TRAPPC9: variants seen among roughly 807,000 people sequenced by gnomAD.
TRAPPC9 encodes IKK2 binding protein.
Under a neutral mutation model 124.0 loss-of-function variants are expected in TRAPPC9, and 83 were observed. The ratio of observed to expected loss-of-function variants is 0.67; its 90% CI spans 0.56 to 0.80. The LOEUF (loss-of-function observed/expected upper bound fraction) is 0.80, where lower values mean the gene tolerates loss of function less well. Among genes scored for constraint, TRAPPC9 ranks in the 30% least tolerant of loss-of-function variants. TRAPPC9 has a pLI of 0.00. For missense variants in TRAPPC9, 1,302 were observed against 1,508.3 expected (o/e 0.86, Z 2.27); for synonymous variants, 638 against 617.5 (o/e 1.03, Z -0.49).
chr8:140,033,657 G>GTTTTTTTTTTTT (rs1491525674), intron 17 of TRAPPC9, among the ~76,000 whole-genome samples: 1 of 49,258 alleles, frequency 2.0e-5, no homozygotes, highest in Non-Finnish European at 5.7e-5. Context: ...TTCATAATGT[G>GTTTTTTTTTTTT]GTTTTTTTTT....
At chr8:139,790,048 G>A (rs1004140759) in intron 21 of TRAPPC9, among the ~76,000 whole-genome samples, 4 of 152,210 alleles carry the variant, frequency 2.6e-5, no homozygotes, top group Non-Finnish European at 2.9e-5. Flanking sequence ...ACATGACGCC[G>A]CGTCGCTGCT....
At chr8:139,878,456 C>A (rs1431841084) in intron 21 of TRAPPC9, among the ~76,000 whole-genome samples, 2 of 151,056 alleles carry the variant, frequency 1.3e-5, no homozygotes, top group Non-Finnish European at 2.9e-5. Context: ...GTGATCTAGC[C>A]GGAGGTTGAG....
At chr8:140,451,454 G>A in intron 1 of TRAPPC9, 71 bp from the exon 2 acceptor site, 7 of 1,319,702 alleles carry the variant, frequency 5.3e-6, no homozygotes, top group Admixed American at 1.9e-5. Flanking sequence ...CTGGGAGGCA[G>A]TGACTGTGAC....
At chr8:139,755,284 G>A (rs1189667757) in intron 21 of TRAPPC9, among the ~76,000 whole-genome samples, 5 of 150,940 alleles carry the variant, frequency 3.3e-5, no homozygotes, top group East Asian at 3.9e-4. Context: ...ACAGCGTGTC[G>A]CAGGAGGAGC....
At chr8:140,356,769 C>G (rs1179535119) in intron 9 of TRAPPC9, among the ~76,000 whole-genome samples, 1 of 151,964 alleles carries the variant, frequency 6.6e-6, no homozygotes, top group Non-Finnish European at 1.5e-5. Context: ...ACCACCTCGC[C>G]CGGTTAATCT....
At chr8:139,741,217 G>A (rs765966398) in intron 21 of TRAPPC9, among the ~76,000 whole-genome samples, 56 of 152,306 alleles carry the variant, frequency 3.7e-4, no homozygotes, top group Middle Eastern at 3.4e-3. Flanking sequence ...TCCCCTGGGC[G>A]TGGCACTCCT....
chr8:140,040,123 G>A (rs1470297754), intron 17 of TRAPPC9: 1 of 152,246 alleles, frequency 6.6e-6, no homozygotes, highest in Admixed American at 6.5e-5. Context: ...TGTATATCAT[G>A]AGAAGCGTGA....
intron 10 of TRAPPC9, among the ~76,000 whole-genome samples, chr8:140,304,706 T>C (rs918958476): frequency 1.1e-4 from 16 of 152,242 alleles, no homozygotes; most frequent in African/African-American, 3.9e-4. Flanking sequence ...GGCAGACACC[T>C]ACCAGCTCTT....
intron 16 of TRAPPC9, among the ~76,000 whole-genome samples, chr8:140,226,703 C>A (rs1457342471): frequency 6.6e-6 from 1 of 151,518 alleles, no homozygotes; most frequent in Non-Finnish European, 1.5e-5. Flanking sequence ...CCCTGGGCAA[C>A]ACACAACTCT....
At chr8:139,836,703 A>G (rs1320859662) in intron 21 of TRAPPC9, among the ~76,000 whole-genome samples, 2 of 152,234 alleles carry the variant, frequency 1.3e-5, no homozygotes, top group African/African-American at 4.8e-5. Context: ...AGCAGACACC[A>G]AGGCTCCACA....
intron 21 of TRAPPC9, among the ~76,000 whole-genome samples, chr8:139,816,150 G>C (rs571944018): frequency 6.6e-6 from 1 of 152,356 alleles, no homozygotes. Flanking sequence ...GGTGACTGGG[G>C]AAGCTTCTGG....
intron 17 of TRAPPC9, among the ~76,000 whole-genome samples, chr8:140,137,838 T>C (rs1396182943): frequency 6.6e-6 from 1 of 152,264 alleles, no homozygotes; most frequent in Admixed American, 6.5e-5. Flanking sequence ...GTTTACTTTG[T>C]AAACCATAAC....
At chr8:140,227,726 C>G (rs1395353905) in intron 16 of TRAPPC9, among the ~76,000 whole-genome samples, 2 of 152,236 alleles carry the variant, frequency 1.3e-5, no homozygotes, top group Non-Finnish European at 2.9e-5. Context: ...GGGTGAGGGC[C>G]AAGGGCCACG....
intron 18 of TRAPPC9, among the ~76,000 whole-genome samples, chr8:140,020,253 T>C (rs992813699): frequency 1.3e-5 from 2 of 152,310 alleles, no homozygotes; most frequent in East Asian, 1.9e-4. Context: ...ATCCACTCTA[T>C]TATTTCTTCT....
chr8:140,270,197 G>C (rs1003422604), intron 15 of TRAPPC9, among the ~76,000 whole-genome samples: 3 of 152,214 alleles, frequency 2.0e-5, no homozygotes, highest in Non-Finnish European at 2.9e-5. Flanking sequence ...AGAAGCAGAG[G>C]AAGGCCTCTC....
At chr8:139,840,830 T>G (rs1826679485) in intron 21 of TRAPPC9, among the ~76,000 whole-genome samples, 1 of 152,220 alleles carries the variant, frequency 6.6e-6, no homozygotes, top group Non-Finnish European at 1.5e-5. Context: ...AGGCTTGTCC[T>G]TCCCTTGTGC....
At chr8:139,861,726 A>G (rs1828170317) in intron 21 of TRAPPC9, among the ~76,000 whole-genome samples, 2 of 152,098 alleles carry the variant, frequency 1.3e-5, no homozygotes, top group Non-Finnish European at 2.9e-5. Flanking sequence ...GAGCCCACAA[A>G]TCGAGTGGTT....
chr8:139,937,850 A>G (rs1833635219), intron 19 of TRAPPC9, among the ~76,000 whole-genome samples: 1 of 152,184 alleles, frequency 6.6e-6, no homozygotes, highest in African/African-American at 2.4e-5. Context: ...GCCATCGCTG[A>G]GCAGCTGCCA....
intron 17 of TRAPPC9, among the ~76,000 whole-genome samples, chr8:140,151,705 G>A (rs1439251184): frequency 6.6e-6 from 1 of 152,144 alleles, no homozygotes; most frequent in Non-Finnish European, 1.5e-5. Context: ...AATGCGGTGG[G>A]AATGTCATTC....
Sources: gnomAD v4.1 joint callset for allele counts (sites outside exome capture counted in the v4.1 genomes callset) on GRCh38, gnomAD v4.1.1 for gene constraint, MANE v1.5 for transcripts, NCBI Gene and HGNC (gene_info 2026-07-23, HGNC 2026-07-21) for gene names.